The following RHOU variants were observed in gnomAD, a reference collection of about 807,000 sequenced individuals.
RHOU encodes the protein rho-related GTP-binding protein RhoU.
Under a neutral mutation model 12.6 loss-of-function variants are expected in RHOU, and 8 were observed. The ratio of observed to expected loss-of-function variants is 0.64; its 90% CI spans 0.37 to 1.15. The LOEUF is 1.15. Ranked by LOEUF, RHOU falls within the 50% of genes most tolerant of loss-of-function variation. The pLI is 0.01. For missense variants in RHOU, 258 were observed against 347.0 expected (o/e 0.74, Z 2.04); for synonymous variants, 161 against 147.4 (o/e 1.09, Z -0.67).
At chr1:228,726,116 T>G in the RHOU span, among the ~76,000 whole-genome samples, 1 of 152,192 alleles carries the variant, frequency 6.6e-6, no homozygotes, top group Non-Finnish European at 1.5e-5. Context: ...TTATGCACAC[T>G]GTTATTTTTC....
the RHOU span, among the ~76,000 whole-genome samples, chr1:228,691,084 A>AT: frequency 1.4e-5 from 2 of 139,140 alleles, no homozygotes; most frequent in African/African-American, 6.3e-5. Context: ...TTCAGCTTAT[A>AT]ATTTTTTTTT....
chr1:228,687,631 A>G, the RHOU span: 21 of 1,560,356 alleles, frequency 1.3e-5, no homozygotes, highest in Non-Finnish European at 1.8e-5. Flanking sequence ...CTGGAACTGC[A>G]CAAACTGGCC....
the RHOU span, among the ~76,000 whole-genome samples, chr1:228,709,463 C>G: frequency 6.6e-6 from 1 of 151,130 alleles, no homozygotes; most frequent in African/African-American, 2.4e-5. Flanking sequence ...AACTATCTCT[C>G]AGACCACAGT....
upstream of RHOU, among the ~76,000 whole-genome samples, chr1:228,731,490 C>T (rs376467797): frequency 6.6e-6 from 1 of 152,126 alleles, no homozygotes; most frequent in Admixed American, 6.5e-5. Flanking sequence ...GGCTATGGAA[C>T]ACAAAAACGA....
the RHOU span, among the ~76,000 whole-genome samples, chr1:228,703,384 G>A: frequency 0.026 from 4,011 of 152,100 alleles, 191 homozygotes; most frequent in African/African-American, 0.091. Context: ...AAATTAGCCA[G>A]GTGTGGTGGT....
Position 228,745,936 on chromosome 1 carries a change from T to C in RHOU, c.*2196T>C, listed in dbSNP as rs2102721245. On this transcript the variant is annotated 3_prime_UTR_variant, in exon 3 of 3. Transcript: ENST00000366691. ...GTGTGACAGTGTATGGGGCTGCAGT[T>C]GGTCTCCCTGGAGGGGACTTCCACA... 6.6e-6 allele frequency: 1 copy of C among 152,386 alleles called. No homozygotes were observed. Among genetic ancestry groups the C allele is most frequent in the East Asian group, 1.9e-4 (1 of 5,190 alleles). The allele number at this position is 152,386 out of a possible 1,614,324, so 9.4% of individuals were successfully genotyped here. A position where few individuals can be genotyped will look rare whatever the true frequency, so the allele number is the denominator to read the frequency against.
At chr1:228,646,707 C>T in the RHOU span, among the ~76,000 whole-genome samples, 1 of 151,074 alleles carries the variant, frequency 6.6e-6, no homozygotes, top group Non-Finnish European at 1.5e-5. Context: ...CAGACACACC[C>T]CACCGCCACC....
the RHOU span, among the ~76,000 whole-genome samples, chr1:228,694,830 G>A: frequency 3.3e-5 from 5 of 152,112 alleles, no homozygotes; most frequent in Non-Finnish European, 7.4e-5. Flanking sequence ...TACATACCTC[G>A]TAATGGGATT....
chr1:228,742,722 G>A (rs928807365), intron 2 of RHOU, among the ~76,000 whole-genome samples: 5 of 152,194 alleles, frequency 3.3e-5, no homozygotes, highest in Non-Finnish European at 7.3e-5. Flanking sequence ...ATTACTCTGC[G>A]TTGCTGTGCA....
At chr1:228,711,126 G>A in the RHOU span, among the ~76,000 whole-genome samples, 1 of 151,686 alleles carries the variant, frequency 6.6e-6, no homozygotes, top group African/African-American at 2.4e-5. Context: ...TCTTCAAGGA[G>A]AACTAAAAAC....
At chr1:228,690,820 G>A in the RHOU span, among the ~76,000 whole-genome samples, 4 of 151,366 alleles carry the variant, frequency 2.6e-5, no homozygotes, top group African/African-American at 7.3e-5. Flanking sequence ...GTTTCACCAT[G>A]TTGGGCAGGC....
chr1:228,707,109 TATATATATATATATATAC>T, the RHOU span, among the ~76,000 whole-genome samples: 636 of 92,844 alleles, frequency 6.9e-3, 14 homozygotes, highest in Middle Eastern at 0.037. Flanking sequence ...TACATACATA[TATATATATATATATATAC>T]ATATATATAT....
At chr1:228,718,318 C>A in the RHOU span, among the ~76,000 whole-genome samples, 1 of 152,132 alleles carries the variant, frequency 6.6e-6, no homozygotes, top group Non-Finnish European at 1.5e-5. Flanking sequence ...ATGGAATCTA[C>A]AATTAAGGTT....
At chr1:228,674,599 GC>G in the RHOU span, among the ~76,000 whole-genome samples, 944 of 151,944 alleles carry the variant, frequency 6.2e-3, 9 homozygotes, top group African/African-American at 0.017. Context: ...GCTTCCCTCG[GC>G]CCCCCAAAGT....
rs913765037 is a variant in RHOU, at chr1:228,737,845, G to A, written c.321+114G>A. The A allele has an allele frequency of 9.7e-6, 11 of 1,133,354 alleles. No individual in the cohort carries two copies. In the African/African-American group the frequency reaches 1.7e-4, roughly 17 times the overall value. The allele number at this position is 1,133,354 out of a possible 1,614,324, so 70.2% of individuals were successfully genotyped here. On this transcript the variant is annotated intron_variant, in intron 2 of 2. Transcript: ENST00000366691. The surrounding 1 kb of genome is among the most constrained non-coding windows in gnomAD (Gnocchi z 4.1). ...GGGTCATTCTAAAGCCTCATGAAGT[G>A]GACCCACCCCTGCTGTTGGCCCTTC...
At chr1:228,674,234 A>G in the RHOU span, among the ~76,000 whole-genome samples, 1 of 152,136 alleles carries the variant, frequency 6.6e-6, no homozygotes, top group African/African-American at 2.4e-5. Context: ...TCCTTTGTCA[A>G]ATATATACTG....
the RHOU span, among the ~76,000 whole-genome samples, chr1:228,648,358 G>A: frequency 2.0e-5 from 3 of 152,128 alleles, no homozygotes; most frequent in Non-Finnish European, 4.4e-5. Context: ...CCTCCATTCC[G>A]CCGACTCTCC....
At chr1:228,677,064 T>C in the RHOU span, among the ~76,000 whole-genome samples, 1 of 151,946 alleles carries the variant, frequency 6.6e-6, no homozygotes. Context: ...GAAAATTTTT[T>C]GGGGTGGTAT....
the RHOU span, among the ~76,000 whole-genome samples, chr1:228,677,673 C>A: frequency 6.6e-6 from 1 of 151,886 alleles, no homozygotes; most frequent in South Asian, 2.1e-4. Flanking sequence ...AGAACGGGAA[C>A]CAGAATAAGA....
Sources: allele counts gnomAD v4.1 joint callset (sites outside exome capture counted in the v4.1 genomes callset), GRCh38; gene constraint gnomAD v4.1.1; non-coding constraint Gnocchi (gnomAD v3.1); transcripts MANE v1.5; gene names NCBI Gene and HGNC (gene_info 2026-07-23, HGNC 2026-07-21).